The following STXBP2 variants were observed in gnomAD, a reference collection of about 807,000 sequenced individuals.
The protein encoded by STXBP2 is syntaxin-binding protein 2.
A neutral mutation model predicts 72.2 loss-of-function variants in STXBP2; 47 were observed. The observed-to-expected ratio is 0.65, with a 90% CI of 0.51 to 0.83. The LOEUF is 0.83. Ranked by LOEUF, STXBP2 falls within the 40% of genes least tolerant of loss-of-function variation. The probability of loss-of-function intolerance (pLI) is 0.00; values close to 1 mark genes in which losing one functional copy is unlikely to be tolerated. For synonymous variants in STXBP2, 367 were observed against 338.7 expected, an observed-to-expected ratio of 1.08 and a Z score of -0.92; for missense variants, 702 against 807.6, an observed-to-expected ratio of 0.87 and a Z score of 1.58.
intron 2 of STXBP2, 35 bp downstream of exon 2, chr19:7,638,810 C>A: frequency 6.2e-7 from 1 of 1,613,666 alleles, no homozygotes; most frequent in South Asian, 1.1e-5. Context: ...TACCCAGAGG[C>A]AGCTCATCAT....
At chr19:7,630,537 G>C in the STXBP2 span, 14 of 1,481,518 alleles carry the variant, frequency 9.4e-6, no homozygotes, top group East Asian at 4.9e-5. Flanking sequence ...ACATTGCTTG[G>C]GGGGAGCTCA....
chr19:7,646,559 TC>T, intron 16 of STXBP2: 1 of 625,126 alleles, frequency 1.6e-6, no homozygotes, highest in Non-Finnish European at 2.9e-6. Context: ...CCTCACTTCC[TC>T]CCCACCTGCC....
chr19:7,631,472 G>A, the STXBP2 span: 5 of 1,535,268 alleles, frequency 3.3e-6, no homozygotes, highest in African/African-American at 6.9e-5. Context: ...TCCACCCCTA[G>A]CTTCAAGAGA....
At position 7,641,158 on chromosome 19, in the gene STXBP2, A is replaced by G. The variant is rs1377944468; in HGVS notation, c.429+155A>G. 1.2e-5 allele frequency: 9 copies of G among 777,718 alleles called. No homozygotes were observed. In the East Asian group the frequency reaches 2.4e-4, roughly 21 times the overall value. The allele number at this position is 777,718 out of a possible 1,614,324, so 48.2% of individuals were successfully genotyped here. A position where few individuals can be genotyped will look rare whatever the true frequency, so the allele number is the denominator to read the frequency against. ...GGCAGGAGGATCACTTGGGGCCAGG[A>G]GTTTGAGACCAGCCTGGGTACAGAG... On this transcript the variant is annotated intron_variant, in intron 6 of 18. Transcript: ENST00000221283.
chr19:7,644,340 G>A (rs1352209082), intron 13 of STXBP2: 2 of 507,446 alleles, frequency 3.9e-6, no homozygotes. Flanking sequence ...TGGGACCTGG[G>A]TGAGGGGTGG....
the STXBP2 span, chr19:7,629,806 A>T: frequency 2.6e-6 from 4 of 1,536,960 alleles, no homozygotes; most frequent in Non-Finnish European, 3.5e-6. Flanking sequence ...TTTGGGCGGA[A>T]CTGGCTTTGT....
At chr19:7,646,058 T>C in intron 15 of STXBP2, 191 bp from the exon 16 acceptor site, 1 of 604,004 alleles carries the variant, frequency 1.7e-6, no homozygotes, top group East Asian at 2.8e-5. Flanking sequence ...TGGCTTTCTC[T>C]CTCCGTCTCT....
At chr19:7,643,421 G>C (rs765779839) in intron 13 of STXBP2, 176 bp downstream of exon 13, 7 of 710,068 alleles carry the variant, frequency 9.9e-6, no homozygotes, top group African/African-American at 1.8e-5. Flanking sequence ...GTGGAGAAAC[G>C]GTCCTAGGAT....
intron 1 of STXBP2, among the ~76,000 whole-genome samples, chr19:7,637,965 T>C (rs1319080409): frequency 6.6e-6 from 1 of 151,984 alleles, no homozygotes; most frequent in African/African-American, 2.4e-5. Context: ...AGACCGGAGG[T>C]CAGTGGGATA....
At position 7,644,844 on chromosome 19, in the gene STXBP2, T is replaced by A. The variant is rs566388379; in HGVS notation, c.1246+92T>A. ...GCTGAACCCCACAGCTCTCCTTGGG[T>A]CATTTGCACTCACCGGGCTCACCAA... On this transcript the variant is annotated intron_variant, in intron 14 of 18. Transcript: ENST00000221283. 1.3e-3 allele frequency: 2,008 copies of A among 1,589,112 alleles called. 4 individuals carry two copies. Among genetic ancestry groups the A allele is most frequent in the Middle Eastern group, 3.5e-3 (21 of 6,010 alleles).
chr19:7,647,118 C>T (rs981782457), intron 16 of STXBP2, 44 bp from the exon 17 acceptor site: 19 of 1,604,982 alleles, frequency 1.2e-5, no homozygotes, highest in Non-Finnish European at 1.5e-5. Context: ...GACCCCGGAC[C>T]CCATGCCTGG....
At chr19:7,640,112 G>T in intron 4 of STXBP2, 1 of 581,744 alleles carries the variant, frequency 1.7e-6, no homozygotes, top group South Asian at 1.6e-5. Flanking sequence ...GTCTGTGCAT[G>T]TGTGTATGCG....
chr19:7,630,969 G>GATTACA, the STXBP2 span: 1 of 1,276,454 alleles, frequency 7.8e-7, no homozygotes, highest in Non-Finnish European at 1.1e-6. Flanking sequence ...CAGGGCATGG[G>GATTACA]AGGCTGAGGT....
At chr19:7,632,901 T>C (rs56262542), upstream of STXBP2, 453,644 of 1,522,516 alleles carry the variant, frequency 0.3, 69,529 homozygotes, top group Non-Finnish European at 0.32. This position sits in a 1 kb window ranked among gnomAD's most constrained non-coding sequence, Gnocchi z 5.2. Context: ...CCTAGCCAGC[T>C]TGCTCACACC....
chr19:7,639,837 C>A, intron 4 of STXBP2, 30 bp downstream of exon 4: 9 of 1,606,224 alleles, frequency 5.6e-6, no homozygotes, highest in Non-Finnish European at 6.8e-6. Flanking sequence ...TGTGTGTATG[C>A]GCGTGCATGC....
At chr19:7,645,342 A>T in intron 15 of STXBP2, 36 bp downstream of exon 15, 1 of 1,545,732 alleles carries the variant, frequency 6.5e-7, no homozygotes, top group Non-Finnish European at 8.8e-7. Context: ...ACCCTGGGAG[A>T]GGGTGCGGAT....
At chr19:7,637,464 C>T (rs566184352) in intron 1 of STXBP2, among the ~76,000 whole-genome samples, 41 of 152,138 alleles carry the variant, frequency 2.7e-4, no homozygotes, top group Non-Finnish European at 1.9e-4. Context: ...TCCTGGGCCT[C>T]CTAGGGTGCC....
chr19:7,639,825 CGT>C lies in STXBP2; in HGVS notation c.246+25_246+26del, dbSNP rs771901697. The C allele has an allele frequency of 9.1e-5, 146 of 1,613,054 alleles. 1 individual carries two copies. In the East Asian group the frequency reaches 2.0e-3, roughly 22 times the overall value. On this transcript the variant is annotated intron_variant, in intron 4 of 18. Coordinates refer to ENST00000221283, the MANE Select transcript of STXBP2 (RefSeq NM_006949.4). The stretch of plus-strand genomic sequence containing the variant: ...CGGAGAAGGTGCCTACATGAGTGAG[CGT>C]GTGTGTATGCGCGTGCATGCGTGTA...
the STXBP2 span, chr19:7,631,276 T>C: frequency 2.1e-6 from 3 of 1,413,690 alleles, no homozygotes; most frequent in Non-Finnish European, 2.8e-6. Flanking sequence ...GGTTTCCTTA[T>C]TGCCTTCTCC....
Sources: allele counts gnomAD v4.1 joint callset (sites outside exome capture counted in the v4.1 genomes callset), GRCh38; gene constraint gnomAD v4.1.1; non-coding constraint Gnocchi (gnomAD v3.1); transcripts MANE v1.5; gene names NCBI Gene and HGNC (gene_info 2026-07-23, HGNC 2026-07-21).